Variants in ATP2B2 observed in about 807,000 individuals in gnomAD.
The protein encoded by ATP2B2 is ATPase plasma membrane Ca2+ transporting 2.
ATP2B2 carries 15 observed loss-of-function variants against 120.0 expected under a neutral mutation model. That is an observed-to-expected ratio of 0.12 (90% CI 0.08 to 0.19). ATP2B2 has a LOEUF of 0.19. Among genes scored for constraint, ATP2B2 ranks in the 10% least tolerant of loss-of-function variants. ATP2B2 has a pLI of 1.00. For missense variants in ATP2B2, 1,045 were observed against 1,719.8 expected (o/e 0.61, Z 6.94); for synonymous variants, 694 against 700.3 (o/e 0.99, Z 0.14).
chr3:10,472,939 C>T (rs1251331230), intron 1 of ATP2B2, among the ~76,000 whole-genome samples: 1 of 152,218 alleles, frequency 6.6e-6, no homozygotes, highest in Non-Finnish European at 1.5e-5. Flanking sequence ...TCCCATTTTA[C>T]AAAGGAGGAA....
intron 3 of ATP2B2, among the ~76,000 whole-genome samples, chr3:10,409,739 C>G (rs1238812238): frequency 2.0e-5 from 3 of 152,128 alleles, no homozygotes; most frequent in Non-Finnish European, 2.9e-5. Context: ...CCTCAGAGAC[C>G]ACCTTCTTAT....
chr3:10,593,060 A>G (rs2068681677), intron 2 of ATP2B2, among the ~76,000 whole-genome samples: 1 of 152,232 alleles, frequency 6.6e-6, no homozygotes, highest in South Asian at 2.1e-4. Flanking sequence ...TGCTGGGAAT[A>G]CAGGCGTGAA....
intron 2 of ATP2B2, among the ~76,000 whole-genome samples, chr3:10,574,448 G>C (rs148270575): frequency 6.6e-6 from 1 of 152,186 alleles, no homozygotes; most frequent in Non-Finnish European, 1.5e-5. Context: ...CCATCTGTCT[G>C]CCTGGCGTTC....
At chr3:10,636,072 G>C (rs2070013501) in intron 1 of ATP2B2, among the ~76,000 whole-genome samples, 1 of 152,224 alleles carries the variant, frequency 6.6e-6, no homozygotes, top group Admixed American at 6.5e-5. Flanking sequence ...GAAAGCCTCT[G>C]CCTGCCGACC....
At position 10,536,402 on chromosome 3, in the gene ATP2B2, T is replaced by G. The variant is rs535634535; in HGVS notation, c.-414-2269A>C. On this transcript the variant is annotated intron_variant, in intron 2 of 21. Coordinates refer to the ATP2B2 transcript ENST00000646379. Reference sequence around the variant, plus strand: ...CCTGTTTTATGGATTTGCTTTCCTCTTCTTCTTCTTCTGCTTCTCTTCTTC... The same window carrying G: ...CCTGTTTTATGGATTTGCTTTCCTCGTCTTCTTCTTCTGCTTCTCTTCTTC... 6.1e-4 allele frequency among the ~76,000 whole-genome samples: 85 copies of G among 139,960 alleles called. 1 individual carries two copies. In the South Asian group the frequency reaches 7.2e-3, roughly 12 times the overall value. The allele number at this position is 139,960 out of a possible 152,430, so 91.8% of individuals were successfully genotyped here. A position where few individuals can be genotyped will look rare whatever the true frequency, so the allele number is the denominator to read the frequency against.
intron 2 of ATP2B2, among the ~76,000 whole-genome samples, chr3:10,594,043 C>T (rs1575535244): frequency 6.6e-6 from 1 of 152,234 alleles, no homozygotes; most frequent in Non-Finnish European, 1.5e-5. Flanking sequence ...GTTAGAATGG[C>T]GTTCATTAAA....
In ATP2B2 at chr3:10,329,085, C is replaced by T. The variant is rs2059912422; in HGVS notation, c.3461G>A (p.Gly1154Asp). The T allele has an allele frequency of 1.9e-6, 3 of 1,613,492 alleles. No individual in the cohort carries two copies. Among genetic ancestry groups the T allele is most frequent in the African/African-American group, 1.3e-5 (1 of 74,754 alleles). The change falls in exon 23 of 23, where the codon GGT becomes GAT. Residue 1154 changes from glycine to aspartate, a missense_variant. By Grantham distance (94) the Gly-to-Asp change is moderately conservative. Transcript: ENST00000360273. This position sits in a 1 kb window ranked among gnomAD's most constrained non-coding sequence, Gnocchi z 5.9. ...GGTTCGAGATTCAGGCTTTTCTAAA[C>T]CTTCATAGAGAGAGCTACGGAACGC... ...VKAFRSSLYE[G>D]LEKPESRTSI...
chr3:10,330,629 CTGCACCACAGGCCT>C (rs2059954218), intron 22 of ATP2B2, among the ~76,000 whole-genome samples: 3 of 152,264 alleles, frequency 2.0e-5, no homozygotes, highest in Admixed American at 6.5e-5. Flanking sequence ...AGTGGCTGCC[CTGCACCACAGGCCT>C]GCGGGGAGGC....
At chr3:10,552,603 T>A (rs896249803) in intron 2 of ATP2B2, among the ~76,000 whole-genome samples, 1 of 152,238 alleles carries the variant, frequency 6.6e-6, no homozygotes. Context: ...TTTTATGTTA[T>A]TTGCTTCCTT....
intron 1 of ATP2B2, among the ~76,000 whole-genome samples, chr3:10,501,957 G>A (rs963338935): frequency 2.0e-5 from 3 of 152,182 alleles, no homozygotes; most frequent in Non-Finnish European, 4.4e-5. Context: ...CATCAAGGTA[G>A]GGCCCAGAAA....
intron 2 of ATP2B2, among the ~76,000 whole-genome samples, chr3:10,566,772 G>A (rs1037903507): frequency 2.0e-5 from 3 of 152,322 alleles, no homozygotes; most frequent in Admixed American, 2.0e-4. Flanking sequence ...CTGGTTCTGA[G>A]TTTTTAACAT....
At chr3:10,431,266 A>C (rs2063305645) in intron 2 of ATP2B2, among the ~76,000 whole-genome samples, 1 of 152,240 alleles carries the variant, frequency 6.6e-6, no homozygotes, top group Non-Finnish European at 1.5e-5. Context: ...AAAGTGGTCT[A>C]CTGTGGGTAA....
intron 21 of ATP2B2, among the ~76,000 whole-genome samples, chr3:10,339,645 G>A (rs757085040): frequency 1.3e-5 from 2 of 152,202 alleles, no homozygotes; most frequent in Non-Finnish European, 2.9e-5. Flanking sequence ...CCCAGAGCTG[G>A]GGCAGGCACA....
intron 12 of ATP2B2, among the ~76,000 whole-genome samples, chr3:10,364,204 G>C (rs2060977651): frequency 6.6e-6 from 1 of 152,126 alleles, no homozygotes; most frequent in South Asian, 2.1e-4. Context: ...AAAGGAGAAT[G>C]GTGGGTGCCA....
At chr3:10,632,943 G>T in intron 1 of ATP2B2, among the ~76,000 whole-genome samples, 1 of 152,266 alleles carries the variant, frequency 6.6e-6, no homozygotes, top group South Asian at 2.1e-4. Context: ...TGCCATAAGG[G>T]CATCTGAGGA....
At chr3:10,677,963 A>G (rs1038016413) in intron 1 of ATP2B2, among the ~76,000 whole-genome samples, 5 of 152,154 alleles carry the variant, frequency 3.3e-5, no homozygotes, top group Admixed American at 6.5e-5. Context: ...TATTGTGGAC[A>G]TGCCCATTTA....
chr3:10,329,201 G>C lies in ATP2B2; in HGVS notation c.3421-76C>G. 1 of 1,313,650 alleles carries C rather than the reference G, an allele frequency of 7.6e-7. No homozygotes were observed. Among genetic ancestry groups the C allele is most frequent in the Non-Finnish European group, 1.1e-6 (1 of 929,572 alleles). The allele number at this position is 1,313,650 out of a possible 1,614,324, so 81.4% of individuals were successfully genotyped here. On this transcript the variant is annotated intron_variant, in intron 22 of 22. Coordinates refer to ENST00000360273, the MANE Select transcript of ATP2B2 (RefSeq NM_001001331.4). The surrounding 1 kb of genome is among the most constrained non-coding windows in gnomAD (Gnocchi z 5.9). ...GCTCGGGGGGCTCACAGGAGGGGCG[G>C]GTGGGAGAAGGGTTAGGGCAAAGCA...
chr3:10,647,326 G>A (rs1300761552), intron 1 of ATP2B2, among the ~76,000 whole-genome samples: 1 of 152,160 alleles, frequency 6.6e-6, no homozygotes, highest in Non-Finnish European at 1.5e-5. Context: ...GGCAGAGTGG[G>A]GTGGATGGGA....
chr3:10,345,582 G>A lies in ATP2B2; in HGVS notation c.2512-7C>T, dbSNP rs1476016846. On this transcript the variant is annotated splice_region_variant and splice_polypyrimidine_tract_variant and intron_variant, in intron 17 of 22. Coordinates refer to ENST00000360273, the MANE Select transcript of ATP2B2 (RefSeq NM_001001331.4). The stretch of plus-strand genomic sequence containing the variant: ...CGTCAGTGCCTGCGATGCCCTGTGG[G>A]GACAGGGACAGGAGGCTGGGTGGGG... The A allele has an allele frequency of 1.9e-6, 3 of 1,613,594 alleles. No homozygotes were observed. In the African/African-American group the frequency reaches 4.0e-5, roughly 22 times the overall value.
Sources: gnomAD v4.1 joint callset for allele counts (sites outside exome capture counted in the v4.1 genomes callset) on GRCh38, gnomAD v4.1.1 for gene constraint, Gnocchi (gnomAD v3.1) non-coding constraint, MANE v1.5 for transcripts, NCBI Gene and HGNC (gene_info 2026-07-23, HGNC 2026-07-21) for gene names.